Variants in ABL1 observed in about 807,000 individuals in gnomAD.
The protein encoded by ABL1 is tyrosine-protein kinase ABL1.
In ABL1, 11 loss-of-function variants were observed where a neutral mutation model predicts 94.7. The ratio of observed to expected loss-of-function variants is 0.12; its 90% CI spans 0.07 to 0.19. The LOEUF (loss-of-function observed/expected upper bound fraction) is 0.19. ABL1 is among the 10% of genes least tolerant of loss of function. The probability of loss-of-function intolerance (pLI) is 1.00; values close to 1 mark genes in which losing one functional copy is unlikely to be tolerated. For missense variants in ABL1, 1,082 were observed against 1,489.4 expected (o/e 0.73, Z 4.50); for synonymous variants, 656 against 622.4 (o/e 1.05, Z -0.80).
upstream of ABL1, among the ~76,000 whole-genome samples, chr9:130,832,247 C>T (rs564073582): frequency 1.3e-5 from 2 of 150,964 alleles, no homozygotes; most frequent in South Asian, 2.1e-4. Flanking sequence ...CTCAGCCTCC[C>T]GAGTAGCTGG....
chr9:130,745,333 C>T (rs1831875081), intron 1 of ABL1, among the ~76,000 whole-genome samples: 1 of 152,100 alleles, frequency 6.6e-6, no homozygotes, highest in African/African-American at 2.4e-5. Context: ...ATCTGCCTGC[C>T]TTAGCCTCCC....
At chr9:130,746,478 T>C (rs1831890025) in intron 1 of ABL1, among the ~76,000 whole-genome samples, 1 of 151,282 alleles carries the variant, frequency 6.6e-6, no homozygotes, top group African/African-American at 2.4e-5. Flanking sequence ...TGATCTGTTC[T>C]CATCACTATT....
chr9:130,771,240 G>GTGTGTGTATGTATGTATGTA (rs561434382), intron 1 of ABL1, among the ~76,000 whole-genome samples: 53 of 151,804 alleles, frequency 3.5e-4, no homozygotes, highest in African/African-American at 1.3e-3. Context: ...ATGTGTGTGT[G>GTGTGTGTATGTATGTATGTA]TGTATGTATG....
At chr9:130,876,449 G>T (rs1273190672) in intron 7 of ABL1, among the ~76,000 whole-genome samples, 2 of 138,680 alleles carry the variant, frequency 1.4e-5, no homozygotes, top group African/African-American at 3.0e-5. Context: ...CTTTTTCTGG[G>T]GTACAAAGTA....
At chr9:130,770,014 C>T (rs1197146590) in intron 1 of ABL1, among the ~76,000 whole-genome samples, 1 of 152,118 alleles carries the variant, frequency 6.6e-6, no homozygotes, top group Non-Finnish European at 1.5e-5. Context: ...TGCATGTTAT[C>T]CACATTTCCT....
intron 1 of ABL1, among the ~76,000 whole-genome samples, chr9:130,811,301 CAAAT>C (rs1003141159): frequency 2.0e-5 from 3 of 151,752 alleles, no homozygotes; most frequent in Non-Finnish European, 2.9e-5. Flanking sequence ...AATAAACAAA[CAAAT>C]AAAAGAAAAC....
intron 1 of ABL1, among the ~76,000 whole-genome samples, chr9:130,797,287 G>C (rs1352027018): frequency 1.4e-5 from 2 of 140,892 alleles, no homozygotes; most frequent in Non-Finnish European, 3.0e-5. Flanking sequence ...AAACTTCGTT[G>C]TGTCATATTC....
chr9:130,862,802 G>A lies in ABL1; in HGVS notation c.589G>A (p.Glu197Lys), dbSNP rs150134901. ...CGAGAGCCGCTTCAACACCCTGGCC[G>A]AGTTGGTTCATCATCATTCAACGGT... ...SSESRFNTLA[E>K]LVHHHSTVAD... Residue 197 changes from glutamate (E) to lysine (K), a missense_variant, in exon 4 of 11, where the codon GAG (glutamate) becomes AAG (lysine). Coordinates refer to ENST00000318560, the MANE Select transcript of ABL1 (RefSeq NM_005157.6). The surrounding 1 kb of genome is among the most constrained non-coding windows in gnomAD (Gnocchi z 5.5). The A allele has an allele frequency of 2.7e-4, 441 of 1,613,688 alleles. No individual in the cohort carries two copies. The highest frequency in any genetic ancestry group is 7.2e-4 in the Admixed American group (43 of 59,948).
At chr9:130,811,484 C>G (rs1476002208) in intron 1 of ABL1, among the ~76,000 whole-genome samples, 3 of 152,128 alleles carry the variant, frequency 2.0e-5, no homozygotes, top group African/African-American at 7.2e-5. Context: ...AATAGCAGCA[C>G]AAAGACTGGG....
At position 130,872,336 on chromosome 9, in the gene ABL1, C is replaced by T. The variant is rs141281957; in HGVS notation, c.907+123C>T. The T allele has an allele frequency of 5.0e-4, 433 of 859,534 alleles. No homozygotes were observed. The African/African-American group carries it at 6.2e-3, about 12-fold the overall frequency. The allele number at this position is 859,534 out of a possible 1,614,324, so 53.2% of individuals were successfully genotyped here. ...CCTCGTTGGAATATTTGTGCTCTGC[C>T]GACGTTCAGCCGCGGGTAAAATGAG... On this transcript the variant is annotated intron_variant, in intron 5 of 10. Coordinates refer to ENST00000318560, the MANE Select transcript of ABL1 (RefSeq NM_005157.6). This position sits in a 1 kb window ranked among gnomAD's most constrained non-coding sequence, Gnocchi z 5.0.
At chr9:130,797,321 T>C (rs1829992764) in intron 1 of ABL1, among the ~76,000 whole-genome samples, 1 of 151,464 alleles carries the variant, frequency 6.6e-6, no homozygotes. Context: ...ATTCTTGTCT[T>C]TGGAGAACTT....
At chr9:130,722,995 A>AT (rs932117923) in intron 1 of ABL1, among the ~76,000 whole-genome samples, 2 of 152,206 alleles carry the variant, frequency 1.3e-5, no homozygotes, top group African/African-American at 4.8e-5. Context: ...AAATAGAAGC[A>AT]TTTTTTGAAT....
Position 130,882,170 on chromosome 9 carries a change from C to T in ABL1, c.1678+1506C>T, listed in dbSNP as rs1488357425. ...AGTAGGGAGGAGAGGCCTCTGGGAA[C>T]GCTGTGCTTATTAAGAACCCAGTGA... On this transcript the variant is annotated intron_variant, in intron 10 of 10. Transcript: ENST00000318560. 3.3e-5 allele frequency among the ~76,000 whole-genome samples: 5 copies of T among 152,134 alleles called. No homozygotes were observed. In the East Asian group the frequency reaches 5.8e-4, roughly 18 times the overall value.
At chr9:130,831,353 T>C (rs541902939), upstream of ABL1, among the ~76,000 whole-genome samples, 88 of 152,224 alleles carry the variant, frequency 5.8e-4, 1 homozygote, top group South Asian at 0.015. Flanking sequence ...CCTCCTTCCC[T>C]TGACACACTT....
chr9:130,856,427 G>A (rs959265246), intron 3 of ABL1, among the ~76,000 whole-genome samples: 9 of 152,048 alleles, frequency 5.9e-5, no homozygotes, highest in Non-Finnish European at 1.0e-4. Flanking sequence ...TCGCCATGTC[G>A]CCCAGGCTAG....
Position 130,828,501 on chromosome 9 carries a change from G to A in ABL1, c.137-25563G>A, listed in dbSNP as rs143405004. Among the ~76,000 whole-genome samples, 7 of 152,314 alleles carry A rather than the reference G, an allele frequency of 4.6e-5. No homozygotes were observed. The South Asian group carries it at 6.2e-4, about 14-fold the overall frequency. On this transcript the variant is annotated intron_variant, in intron 1 of 10. Transcript: ENST00000372348. ...CTTTTGCCATTTTAATGACAAAAAC[G>A]TTGATTACTTTTACACCAACCTAAT...
chr9:130,879,023 A>G (rs948785387), intron 8 of ABL1, among the ~76,000 whole-genome samples: 4 of 152,010 alleles, frequency 2.6e-5, no homozygotes, highest in African/African-American at 2.4e-5. Context: ...GATTACAGGC[A>G]TGCACCACCA....
Position 130,884,425 on chromosome 9 carries a change from G to A in ABL1, c.2135G>A (p.Arg712His), listed in dbSNP as rs766513552. The A allele has an allele frequency of 1.1e-5, 17 of 1,611,968 alleles. No homozygotes were observed. Among genetic ancestry groups the A allele is most frequent in the East Asian group, 2.2e-5 (1 of 44,874 alleles). ...GAGGGCGGTGGCAGCTCCAGCAAGC[G>A]CTTCCTGCGCTCTTGCTCCGCCTCC... ...EEEGGGSSSK[R>H]FLRSCSASCV... Residue 712 changes from arginine (R) to histidine (H), a missense_variant, in exon 11 of 11, where the codon CGC becomes CAC. Arg to His is a conservative substitution (Grantham distance 29, BLOSUM62 0). Transcript: ENST00000318560. This position sits in a 1 kb window ranked among gnomAD's most constrained non-coding sequence, Gnocchi z 5.6.
At chr9:130,828,252 A>G (rs1830451912) in intron 1 of ABL1, among the ~76,000 whole-genome samples, 1 of 152,066 alleles carries the variant, frequency 6.6e-6, no homozygotes. Context: ...TTGTAGAGAG[A>G]TGGGGTCTCA....
Sources: allele counts gnomAD v4.1 joint callset (sites outside exome capture counted in the v4.1 genomes callset), GRCh38; gene constraint gnomAD v4.1.1; non-coding constraint Gnocchi (gnomAD v3.1); transcripts MANE v1.5; gene names NCBI Gene and HGNC (gene_info 2026-07-23, HGNC 2026-07-21).